TIAM2: variants seen among roughly 807,000 people sequenced by gnomAD.
The protein encoded by TIAM2 is TIAM Rac1 associated GEF 2.
Under a neutral mutation model 152.9 loss-of-function variants are expected in TIAM2, and 80 were observed. The ratio of observed to expected loss-of-function variants is 0.52; its 90% CI spans 0.44 to 0.63. The LOEUF (loss-of-function observed/expected upper bound fraction) is 0.63, where lower values mean the gene tolerates loss of function less well. Ranked by LOEUF, TIAM2 falls within the 30% of genes least tolerant of loss-of-function variation. The pLI is 0.00. For missense variants in TIAM2, 1,965 were observed against 2,120.1 expected, an observed-to-expected ratio of 0.93 and a Z score of 1.44; for synonymous variants, 804 against 838.0, an observed-to-expected ratio of 0.96 and a Z score of 0.70.
At chr6:155,015,297 C>T (rs1778553902) in intron 1 of TIAM2, among the ~76,000 whole-genome samples, 1 of 152,038 alleles carries the variant, frequency 6.6e-6, no homozygotes, top group Non-Finnish European at 1.5e-5. Flanking sequence ...TGGGTCAAGT[C>T]AAGGAGAGTT....
intron 7 of TIAM2, among the ~76,000 whole-genome samples, chr6:155,162,498 C>T (rs934302212): frequency 6.6e-6 from 1 of 152,132 alleles, no homozygotes; most frequent in African/African-American, 2.4e-5. Context: ...TTTTACTGAA[C>T]CTTAAGTAAG....
At chr6:155,109,282 C>G (rs1778777458) in intron 2 of TIAM2, among the ~76,000 whole-genome samples, 1 of 152,126 alleles carries the variant, frequency 6.6e-6, no homozygotes, top group Non-Finnish European at 1.5e-5. Context: ...CTGCACCCGG[C>G]CTTCAGCTTT....
intron 12 of TIAM2, among the ~76,000 whole-genome samples, chr6:155,181,841 C>T (rs560742083): frequency 2.0e-5 from 3 of 152,190 alleles, no homozygotes; most frequent in Non-Finnish European, 4.4e-5. Flanking sequence ...CAAATTGTAG[C>T]ATATGCCAAG....
At chr6:155,105,957 T>A (rs1434010081) in intron 2 of TIAM2, among the ~76,000 whole-genome samples, 1 of 150,068 alleles carries the variant, frequency 6.7e-6, no homozygotes, top group Non-Finnish European at 1.5e-5. Context: ...GATCTGAAAA[T>A]GCTGCTTTAT....
intron 1 of TIAM2, among the ~76,000 whole-genome samples, chr6:155,030,891 G>GT (rs1776809460): frequency 6.6e-6 from 1 of 152,038 alleles, no homozygotes; most frequent in African/African-American, 2.4e-5. Flanking sequence ...ACTGTCTCTC[G>GT]TTAGAAGACT....
At chr6:155,003,624 T>C (rs1386755039) in intron 1 of TIAM2, among the ~76,000 whole-genome samples, 1 of 152,138 alleles carries the variant, frequency 6.6e-6, no homozygotes, top group Non-Finnish European at 1.5e-5. Flanking sequence ...GGGGACACTC[T>C]TGTGGGAGGA....
At chr6:155,136,350 C>T (rs893114408) in intron 4 of TIAM2, among the ~76,000 whole-genome samples, 2 of 151,866 alleles carry the variant, frequency 1.3e-5, no homozygotes, top group African/African-American at 4.8e-5. Flanking sequence ...TCTTGGTTCA[C>T]AGCAACCTCT....
intron 1 of TIAM2, among the ~76,000 whole-genome samples, chr6:155,019,290 G>C (rs760615206): frequency 9.3e-5 from 14 of 151,206 alleles, no homozygotes; most frequent in Non-Finnish European, 1.5e-4. Context: ...GCTGAGATTG[G>C]GCCACTGCAC....
intron 1 of TIAM2, among the ~76,000 whole-genome samples, chr6:155,072,797 C>T (rs1321143189): frequency 6.6e-6 from 1 of 151,882 alleles, no homozygotes; most frequent in Non-Finnish European, 1.5e-5. Flanking sequence ...AGGAGGTGGG[C>T]ACAGAGGGAG....
At chr6:155,114,006 A>G (rs914317328) in intron 2 of TIAM2, among the ~76,000 whole-genome samples, 1 of 99,258 alleles carries the variant, frequency 1.0e-5, no homozygotes, top group Admixed American at 1.3e-4. Context: ...TAAATTTTAT[A>G]CTTTACTTTA....
In TIAM2 at chr6:155,174,327, C is replaced by CT. The variant is rs1780708433; in HGVS notation, c.2362-2488dup. Among the ~76,000 whole-genome samples, 1 of 151,646 alleles carries CT rather than the reference C, an allele frequency of 6.6e-6. No homozygotes were observed. On this transcript the variant is annotated intron_variant, in intron 9 of 26. Coordinates refer to ENST00000682666, the MANE Select transcript of TIAM2 (RefSeq NM_012454.4). This position sits in a 1 kb window ranked among gnomAD's most constrained non-coding sequence, Gnocchi z 4.2. ...GGGCTGGCTGTGAGTGGTGAGTGAA[C>CT]TGATGGCACATCAGGAGCTTGTTTC...
At position 155,176,964 on chromosome 6, in the gene TIAM2, C is replaced by A. The variant is rs1484110196; in HGVS notation, c.2510C>A (p.Thr837Asn). The A allele has an allele frequency of 1.2e-6, 2 of 1,605,988 alleles. No individual in the cohort carries two copies. Among genetic ancestry groups the A allele is most frequent in the Admixed American group, 1.7e-5 (1 of 57,778 alleles). ...GAGCACAGAGTAGAAGATATTTTGA[C>A]TTTGGCATGCAAGGTAACGGATTTT... ...KPEHRVEDIL[T>N]LACKMRQLEP... Residue 837 changes from threonine to asparagine, a missense_variant, in exon 10 of 27, where the codon ACT becomes AAT. Thr to Asn is a moderately conservative substitution (Grantham distance 65, BLOSUM62 0). Transcript: ENST00000682666.
chr6:155,017,037 GAATT>G (rs1201390016), intron 1 of TIAM2, among the ~76,000 whole-genome samples: 5 of 152,232 alleles, frequency 3.3e-5, no homozygotes, highest in Non-Finnish European at 7.3e-5. Context: ...AGATGACAGA[GAATT>G]AATATGTCAG....
In TIAM2 at chr6:155,179,111, A is replaced by C. The variant is rs929249423; in HGVS notation, c.2596A>C (p.Ile866Leu). 15 of 1,614,084 alleles carry C rather than the reference A, an allele frequency of 9.3e-6. No individual in the cohort carries two copies. The highest frequency in any genetic ancestry group is 1.3e-5 in the African/African-American group (1 of 75,058). ...AGTAGATGACAATGTTGAGTATTGC[A>C]TCCCTGCACCATATGAATATATGCA... ...KLVDDNVEYC[I>L]PAPYEYMQQQ... Residue 866 changes from isoleucine to leucine, a missense_variant, in exon 11 of 27, where the codon ATC becomes CTC. This residue lies in a region of TIAM2 where 1,025 missense variants were observed against 1,119.4 expected (regional missense o/e 0.92). Coordinates refer to ENST00000682666, the MANE Select transcript of TIAM2 (RefSeq NM_012454.4).
chr6:155,230,300 G>T (rs1303790025), intron 15 of TIAM2, among the ~76,000 whole-genome samples: 1 of 152,174 alleles, frequency 6.6e-6, no homozygotes, highest in Non-Finnish European at 1.5e-5. Context: ...CTGCCTCTCT[G>T]TCCTGCCTTG....
chr6:155,254,307 G>A (rs113819547), intron 25 of TIAM2, 112 bp from the exon 26 acceptor site: 19,865 of 1,422,438 alleles, frequency 0.014, 263 homozygotes, highest in Non-Finnish European at 0.015. Context: ...CTGGGTGGCT[G>A]GCTGGCAGCC....
chr6:155,028,937 A>C (rs896482811), intron 1 of TIAM2, among the ~76,000 whole-genome samples: 6 of 114,370 alleles, frequency 5.2e-5, no homozygotes, highest in South Asian at 2.6e-4. Flanking sequence ...TATATACTAT[A>C]TATACTATGT....
chr6:155,059,323 T>TGC (rs1376095971), intron 1 of TIAM2, among the ~76,000 whole-genome samples: 4 of 137,442 alleles, frequency 2.9e-5, no homozygotes, highest in South Asian at 2.2e-4. Flanking sequence ...TGTGTGTGTG[T>TGC]GTGCGCGTGT....
chr6:155,144,868 GA>G, intron 6 of TIAM2, 90 bp downstream of exon 6: 1 of 1,401,374 alleles, frequency 7.1e-7, no homozygotes, highest in Non-Finnish European at 9.6e-7. Flanking sequence ...AAATGAAATT[GA>G]ATAAATACTT....
Sources: gnomAD v4.1 joint callset for allele counts (sites outside exome capture counted in the v4.1 genomes callset) on GRCh38, gnomAD v4.1.1 for gene constraint, gnomAD v4.1.1 regional missense constraint, Gnocchi (gnomAD v3.1) non-coding constraint, MANE v1.5 for transcripts, NCBI Gene and HGNC (gene_info 2026-07-23, HGNC 2026-07-21) for gene names.